DHRSX: variants seen among roughly 807,000 people sequenced by gnomAD.
DHRSX encodes polyprenol dehydrogenase.
Under a neutral mutation model 34.0 loss-of-function variants are expected in DHRSX, and 31 were observed. That is an observed-to-expected ratio of 0.91 (90% confidence interval 0.69 to 1.23). The LOEUF (loss-of-function observed/expected upper bound fraction) is 1.23. DHRSX is among the 50% of genes most tolerant of loss of function. DHRSX has a pLI of 0.00. For missense variants in DHRSX, 414 were observed against 428.1 expected, an observed-to-expected ratio of 0.97 and a Z score of 0.29; for synonymous variants, 201 against 183.8, an observed-to-expected ratio of 1.09 and a Z score of -0.76.
At chrX:2,391,546 A>T (rs1038811292) in intron 3 of DHRSX, among the ~76,000 whole-genome samples, 19 of 152,176 alleles carry the variant, frequency 1.2e-4, no homozygotes, top group African/African-American at 4.3e-4. Flanking sequence ...GAATCCTGCC[A>T]AGTAAGAGAG....
rs192327001 is a variant in DHRSX at position 2,398,506 on chromosome X, G to A, written c.286+10239C>T. Among the ~76,000 whole-genome samples the A allele has an allele frequency of 2.5e-4, 38 of 152,100 alleles. 1 individual carries two copies. In the East Asian group the frequency reaches 5.2e-3, roughly 21 times the overall value. ...AAGAGGCTGTGAACCACAACACACCGTCATTTCTGGAAACGCACCGACTAT... is the reference window on the plus strand; with the variant it reads ...AAGAGGCTGTGAACCACAACACACCATCATTTCTGGAAACGCACCGACTAT... On this transcript the variant is annotated intron_variant, in intron 3 of 6. Coordinates refer to ENST00000334651, the MANE Select transcript of DHRSX (RefSeq NM_145177.3).
chrX:2,371,654 T>A (rs1398392406), intron 3 of DHRSX, among the ~76,000 whole-genome samples: 1 of 148,338 alleles, frequency 6.7e-6, no homozygotes, highest in African/African-American at 2.5e-5. Context: ...TCCACACTCC[T>A]CCCCTTACCA....
intron 3 of DHRSX, among the ~76,000 whole-genome samples, chrX:2,339,748 T>A (rs1173588322): frequency 6.6e-6 from 1 of 152,098 alleles, no homozygotes; most frequent in African/African-American, 2.4e-5. Context: ...ATGTGCCACA[T>A]TTTCTTTATA....
chrX:2,389,380 C>T (rs971149949), intron 3 of DHRSX, among the ~76,000 whole-genome samples: 3 of 151,858 alleles, frequency 2.0e-5, no homozygotes, highest in African/African-American at 4.8e-5. Flanking sequence ...TCCCTGAATC[C>T]AGACTCTGTT....
chrX:2,274,767 G>A, intron 4 of DHRSX, among the ~76,000 whole-genome samples: 1 of 152,138 alleles, frequency 6.6e-6, no homozygotes, highest in South Asian at 2.1e-4. Context: ...TCACGGAGAC[G>A]TTTCTAGGCA....
intron 3 of DHRSX, among the ~76,000 whole-genome samples, chrX:2,329,122 C>G (rs116728788): frequency 0.031 from 4,670 of 152,246 alleles, 110 homozygotes; most frequent in South Asian, 0.067. Flanking sequence ...CACTTGTACT[C>G]CCAGGTATTT....
intron 2 of DHRSX, among the ~76,000 whole-genome samples, chrX:2,419,148 C>A (rs926833778): frequency 2.0e-5 from 3 of 152,124 alleles, no homozygotes; most frequent in African/African-American, 7.2e-5. Context: ...TTCTAACATC[C>A]CCAGTGATTC....
chrX:2,396,101 G>A (rs936940716), intron 3 of DHRSX, among the ~76,000 whole-genome samples: 22 of 152,086 alleles, frequency 1.4e-4, no homozygotes, highest in African/African-American at 4.1e-4. Flanking sequence ...GTTTGTGGCC[G>A]CATCGCTCCA....
intron 3 of DHRSX, among the ~76,000 whole-genome samples, chrX:2,348,684 T>C (rs1179001020): frequency 7.2e-6 from 1 of 138,806 alleles, no homozygotes; most frequent in Non-Finnish European, 1.6e-5. Flanking sequence ...TGTGGGTCTC[T>C]TATTTTTATT....
intron 1 of DHRSX, among the ~76,000 whole-genome samples, chrX:2,436,852 C>G (rs1488345773): frequency 1.3e-5 from 2 of 151,994 alleles, no homozygotes; most frequent in Non-Finnish European, 2.9e-5. Context: ...GAGCTGATCT[C>G]AAACTCCTGG....
intron 3 of DHRSX, among the ~76,000 whole-genome samples, chrX:2,380,909 G>A (rs975092503): frequency 6.6e-6 from 1 of 152,180 alleles, no homozygotes. Context: ...ACAGTCGCCA[G>A]GCTGGAGTGC....
At chrX:2,452,865 G>C (rs180797102) in intron 1 of DHRSX, among the ~76,000 whole-genome samples, 2 of 152,360 alleles carry the variant, frequency 1.3e-5, no homozygotes, top group East Asian at 1.9e-4. Context: ...GGAAAGAATG[G>C]TGTACAGGAT....
chrX:2,375,333 G>A (rs978339989), intron 3 of DHRSX, among the ~76,000 whole-genome samples: 4 of 138,102 alleles, frequency 2.9e-5, no homozygotes, highest in African/African-American at 7.4e-5. Flanking sequence ...TATGCACACC[G>A]CGGCTGTGAA....
At chrX:2,356,342 T>C (rs1480684593) in intron 3 of DHRSX, among the ~76,000 whole-genome samples, 3 of 152,042 alleles carry the variant, frequency 2.0e-5, no homozygotes. Flanking sequence ...GCCACTGCAC[T>C]CCAGCCTGGG....
At chrX:2,370,295 C>A (rs1459990524) in intron 3 of DHRSX, among the ~76,000 whole-genome samples, 1 of 152,056 alleles carries the variant, frequency 6.6e-6, no homozygotes, top group African/African-American at 2.4e-5. Context: ...CCTCAGCCTC[C>A]CCAGTAGCTG....
At chrX:2,409,201 T>A (rs2043595938) in intron 2 of DHRSX, among the ~76,000 whole-genome samples, 1 of 152,234 alleles carries the variant, frequency 6.6e-6, no homozygotes. Flanking sequence ...AACATCCCAG[T>A]GTGCACACAC....
intron 1 of DHRSX, chrX:2,488,617 A>C (rs377189160): frequency 2.5e-6 from 4 of 1,573,686 alleles, no homozygotes; most frequent in Non-Finnish European, 3.4e-6. Flanking sequence ...ATGACTTGTA[A>C]GACAACACGC....
chrX:2,291,896 A>ATTTTTTTTTTTTTTTTTTT (rs928376249), intron 3 of DHRSX, among the ~76,000 whole-genome samples: 13 of 96,122 alleles, frequency 1.4e-4, no homozygotes, highest in Non-Finnish European at 2.1e-4. Flanking sequence ...GTATTTTTGT[A>ATTTTTTTTTTTTTTTTTTT]TTTTTTTTTT....
chrX:2,500,974 T>C lies in DHRSX; in HGVS notation c.-49A>G. ...CGCTTCCGCGCCGCCCGCGGGACTC[T>C]GCGCCCGCCCGCCCGGACGGACGGC... On this transcript the variant is annotated 5_prime_UTR_variant, in exon 1 of 7. Coordinates refer to ENST00000334651, the MANE Select transcript of DHRSX (RefSeq NM_145177.3). 4 of 951,924 alleles carry C rather than the reference T, an allele frequency of 4.2e-6. No individual in the cohort carries two copies. The highest frequency in any genetic ancestry group is 2.5e-6 in the Non-Finnish European group (2 of 794,508). 59.0% of individuals were successfully genotyped at this position (951,924 alleles called of 1,614,324 possible).
Sources: gnomAD v4.1 joint callset for allele counts (sites outside exome capture counted in the v4.1 genomes callset) on GRCh38, gnomAD v4.1.1 for gene constraint, MANE v1.5 for transcripts, NCBI Gene and HGNC (gene_info 2026-07-23, HGNC 2026-07-21) for gene names.